BRD10: variants seen among roughly 807,000 people sequenced by gnomAD.
BRD10 encodes the protein uncharacterized bromodomain-containing protein 10.
the BRD10 span, among the ~76,000 whole-genome samples, chr9:5,895,745 G>A: frequency 1.3e-5 from 2 of 152,328 alleles, no homozygotes; most frequent in South Asian, 2.1e-4. Context: ...TGCATCTCAG[G>A]TGATTCTGCT....
the BRD10 span, chr9:5,967,908 C>T: frequency 3.0e-6 from 2 of 666,022 alleles, no homozygotes; most frequent in Non-Finnish European, 2.5e-6. Flanking sequence ...AATATACACG[C>T]ATGCATACAT....
chr9:5,976,296 G>A, the BRD10 span, among the ~76,000 whole-genome samples: 1 of 152,150 alleles, frequency 6.6e-6, no homozygotes, highest in Admixed American at 6.5e-5. Context: ...ACTTTACCAT[G>A]AAACTGAATT....
the BRD10 span, among the ~76,000 whole-genome samples, chr9:6,002,937 G>C: frequency 6.1e-3 from 931 of 152,116 alleles, 9 homozygotes; most frequent in African/African-American, 0.021. Context: ...CACCCGCCTC[G>C]GCCTCCCTAA....
the BRD10 span, chr9:5,922,893 C>T: frequency 1.7e-5 from 27 of 1,613,982 alleles, no homozygotes; most frequent in East Asian, 5.6e-4. Context: ...GGTTTTTCCA[C>T]AGCAAGAGCA....
chr9:5,989,701 T>C, the BRD10 span, among the ~76,000 whole-genome samples: 1 of 151,990 alleles, frequency 6.6e-6, no homozygotes, highest in Non-Finnish European at 1.5e-5. Context: ...GGCTAACTTT[T>C]GTAATTTTGT....
chr9:6,008,174 G>C, the BRD10 span: 1 of 974,606 alleles, frequency 1.0e-6, no homozygotes, highest in African/African-American at 1.8e-5. Context: ...GCGGGGGGCT[G>C]GGAGGGGGCG....
At chr9:5,927,238 T>A in the BRD10 span, among the ~76,000 whole-genome samples, 1 of 152,190 alleles carries the variant, frequency 6.6e-6, no homozygotes, top group African/African-American at 2.4e-5. Context: ...ACACCTCATC[T>A]GCAACTCACC....
the BRD10 span, chr9:5,969,460 CTAT>C: frequency 7.1e-7 from 1 of 1,412,862 alleles, no homozygotes; most frequent in African/African-American, 1.5e-5. Flanking sequence ...ACAAATTATA[CTAT>C]TATTATTCAG....
the BRD10 span, among the ~76,000 whole-genome samples, chr9:5,998,344 G>C: frequency 1.3e-5 from 2 of 151,980 alleles, no homozygotes; most frequent in Non-Finnish European, 2.9e-5. Context: ...TTGCTAAAAA[G>C]TCTACATATA....
At chr9:5,888,578 C>T in the BRD10 span, among the ~76,000 whole-genome samples, 1 of 152,222 alleles carries the variant, frequency 6.6e-6, no homozygotes, top group Middle Eastern at 3.4e-3. Context: ...GCATTTGGCC[C>T]TGGAACTGCT....
chr9:5,974,298 T>C, the BRD10 span, among the ~76,000 whole-genome samples: 1 of 152,142 alleles, frequency 6.6e-6, no homozygotes, highest in Non-Finnish European at 1.5e-5. Flanking sequence ...CATTCATAGA[T>C]GAGAGTAAGT....
chr9:5,982,339 T>C, the BRD10 span, among the ~76,000 whole-genome samples: 1 of 152,146 alleles, frequency 6.6e-6, no homozygotes, highest in Non-Finnish European at 1.5e-5. Flanking sequence ...AGATGATCCC[T>C]ACAATTGCCC....
the BRD10 span, among the ~76,000 whole-genome samples, chr9:6,004,015 A>T: frequency 6.6e-6 from 1 of 152,196 alleles, no homozygotes; most frequent in Non-Finnish European, 1.5e-5. Context: ...ATGCTGTTTC[A>T]TGCCTTGCAC....
At chr9:5,885,356 C>T in the BRD10 span, among the ~76,000 whole-genome samples, 1 of 150,902 alleles carries the variant, frequency 6.6e-6, no homozygotes, top group Non-Finnish European at 1.5e-5. Context: ...AGGCACTGTG[C>T]TAGATGAGTT....
At chr9:5,972,233 A>G in the BRD10 span, among the ~76,000 whole-genome samples, 36 of 152,206 alleles carry the variant, frequency 2.4e-4, no homozygotes, top group African/African-American at 8.7e-4. Context: ...AAGATAATAG[A>G]TGTAAGAATT....
chr9:5,994,888 T>A, the BRD10 span, among the ~76,000 whole-genome samples: 1 of 151,364 alleles, frequency 6.6e-6, no homozygotes, highest in Non-Finnish European at 1.5e-5. Flanking sequence ...CAACTTCAAA[T>A]GCTATCATTT....
chr9:5,923,915 T>C, the BRD10 span, among the ~76,000 whole-genome samples: 2 of 152,266 alleles, frequency 1.3e-5, no homozygotes, highest in South Asian at 4.1e-4. Context: ...AACCTCTACA[T>C]AACCAAAGAA....
At chr9:5,920,156 G>C in the BRD10 span, 1 of 1,613,976 alleles carries the variant, frequency 6.2e-7, no homozygotes, top group Non-Finnish European at 8.5e-7. Flanking sequence ...GGAATTATTT[G>C]ATGCTAGTGT....
chr9:5,995,174 T>C, the BRD10 span, among the ~76,000 whole-genome samples: 4 of 152,208 alleles, frequency 2.6e-5, no homozygotes, highest in Non-Finnish European at 4.4e-5. Context: ...TTGCTGGGAT[T>C]AGAGGCGTGA....
Sources: allele counts gnomAD v4.1 joint callset (sites outside exome capture counted in the v4.1 genomes callset), GRCh38; gene constraint gnomAD v4.1.1; transcripts MANE v1.5; gene names NCBI Gene and HGNC (gene_info 2026-07-23, HGNC 2026-07-21).